The following CHCHD6 variants were observed in gnomAD, a reference collection of about 807,000 sequenced individuals.
The protein encoded by CHCHD6 is coiled-coil-helix-coiled-coil-helix domain containing 6, also known as MICOS complex subunit MIC25.
In CHCHD6, 28 loss-of-function variants were observed where a neutral mutation model predicts 32.3. That is an observed-to-expected ratio of 0.87 (90% CI 0.64 to 1.19). The LOEUF is 1.19. Ranked by LOEUF, CHCHD6 falls within the 50% of genes most tolerant of loss-of-function variation. The pLI, the probability that CHCHD6 is intolerant of heterozygous loss-of-function variation, is 0.00. For synonymous variants in CHCHD6, 122 were observed against 117.5 expected (o/e 1.04, Z -0.25); for missense variants, 333 against 307.0 (o/e 1.08, Z -0.63).
chr3:126,938,635 A>C (rs1449846641), intron 6 of CHCHD6, among the ~76,000 whole-genome samples: 3 of 152,228 alleles, frequency 2.0e-5, no homozygotes, highest in Non-Finnish European at 4.4e-5. Context: ...CATAACAGAG[A>C]AAGTCCCAGT....
chr3:126,850,831 GC>G (rs1941447846), intron 4 of CHCHD6, among the ~76,000 whole-genome samples: 1 of 152,148 alleles, frequency 6.6e-6, no homozygotes, highest in African/African-American at 2.4e-5. Flanking sequence ...GCGCAGATTA[GC>G]CGTGCTTGCA....
chr3:126,870,462 T>G lies in CHCHD6; in HGVS notation c.495+17732T>G, dbSNP rs184094859. Among the ~76,000 whole-genome samples the G allele has an allele frequency of 3.5e-4, 53 of 152,328 alleles. No individual in the cohort carries two copies. The East Asian group carries it at 8.3e-3, about 24-fold the overall frequency. On this transcript the variant is annotated intron_variant, in intron 5 of 7. Coordinates refer to ENST00000290913, the MANE Select transcript of CHCHD6 (RefSeq NM_032343.3). Reference sequence around the variant, plus strand: ...ACCGTTCTCCCAGTTCTTTCAGGTATTCCTTGCAGGAAGTGATCCAATACT... The same window carrying G: ...ACCGTTCTCCCAGTTCTTTCAGGTAGTCCTTGCAGGAAGTGATCCAATACT...
At chr3:126,752,908 T>A (rs964162559) in intron 4 of CHCHD6, among the ~76,000 whole-genome samples, 1 of 152,166 alleles carries the variant, frequency 6.6e-6, no homozygotes, top group Non-Finnish European at 1.5e-5. Flanking sequence ...GGGCATTGAC[T>A]CCTCAACCCC....
chr3:126,953,458 C>T (rs555228345), intron 6 of CHCHD6, among the ~76,000 whole-genome samples: 9 of 152,184 alleles, frequency 5.9e-5, no homozygotes, highest in Non-Finnish European at 5.9e-5. Context: ...ATATCCTCAG[C>T]TCTTCTCTGC....
At position 126,868,445 on chromosome 3, in the gene CHCHD6, T is replaced by A. The variant is rs1279026773; in HGVS notation, c.495+15715T>A. 5.3e-5 allele frequency among the ~76,000 whole-genome samples: 8 copies of A among 151,594 alleles called. 1 individual carries two copies. Among genetic ancestry groups the A allele is most frequent in the East Asian group, 1.9e-4 (1 of 5,142 alleles). On this transcript the variant is annotated intron_variant, in intron 5 of 7. Coordinates refer to ENST00000290913, the MANE Select transcript of CHCHD6 (RefSeq NM_032343.3). ...GCCATGGGGCAGCATTGCTTTTTTT[T>A]TTAAAAAAAAAAAATTGCTTATACT... is the stretch of plus-strand genomic sequence containing the variant.
chr3:126,823,570 G>A (rs568933728), intron 4 of CHCHD6, among the ~76,000 whole-genome samples: 1 of 152,026 alleles, frequency 6.6e-6, no homozygotes, highest in Admixed American at 6.6e-5. Flanking sequence ...TATTGACTTT[G>A]ATAAATTGAC....
intron 1 of CHCHD6, among the ~76,000 whole-genome samples, chr3:126,719,046 C>T (rs749922803): frequency 6.6e-6 from 1 of 152,188 alleles, no homozygotes; most frequent in Non-Finnish European, 1.5e-5. Context: ...CTTAGCCTCC[C>T]ACTCACCTGT....
chr3:126,787,457 G>A (rs1938275824), intron 4 of CHCHD6, among the ~76,000 whole-genome samples: 1 of 152,172 alleles, frequency 6.6e-6, no homozygotes, highest in African/African-American at 2.4e-5. Flanking sequence ...CTATCCATGA[G>A]CATGGAATGT....
At chr3:126,863,131 T>A (rs868182627) in intron 5 of CHCHD6, among the ~76,000 whole-genome samples, 1 of 37,070 alleles carries the variant, frequency 2.7e-5, no homozygotes. Context: ...CATCATCACC[T>A]CCTCCTCCTC....
At chr3:126,737,327 A>G (rs1180312871) in intron 4 of CHCHD6, among the ~76,000 whole-genome samples, 1 of 151,394 alleles carries the variant, frequency 6.6e-6, no homozygotes, top group Non-Finnish European at 1.5e-5. Flanking sequence ...TAAAAACCCA[A>G]GAAAGCAAAA....
At chr3:126,727,050 T>C (rs1935565305) in intron 1 of CHCHD6, 28 bp from the exon 2 acceptor site, 1 of 1,545,526 alleles carries the variant, frequency 6.5e-7, no homozygotes, top group Non-Finnish European at 8.9e-7. Context: ...ACATAACTTT[T>C]TCTTTTCCCT....
At chr3:126,733,984 C>A (rs1425207673) in intron 4 of CHCHD6, among the ~76,000 whole-genome samples, 1 of 152,056 alleles carries the variant, frequency 6.6e-6, no homozygotes, top group Non-Finnish European at 1.5e-5. Context: ...GCAGGCTGTC[C>A]CCATGGTTAA....
chr3:126,772,315 A>C (rs537228632), intron 4 of CHCHD6, among the ~76,000 whole-genome samples: 1 of 152,116 alleles, frequency 6.6e-6, no homozygotes, highest in East Asian at 1.9e-4. Flanking sequence ...GTTAGCCAGG[A>C]TGGTCTTGAT....
At chr3:126,799,546 G>A (rs982688245) in intron 4 of CHCHD6, among the ~76,000 whole-genome samples, 2 of 152,192 alleles carry the variant, frequency 1.3e-5, no homozygotes, top group Admixed American at 1.3e-4. Flanking sequence ...TGGTCTTTGT[G>A]TCAGGGTCAG....
rs191776343 is a variant in CHCHD6, at chr3:126,860,451, T to A, written c.495+7721T>A. Among the ~76,000 whole-genome samples the A allele has an allele frequency of 8.7e-3, 1,220 of 140,138 alleles. 8 individuals are homozygous for A. Among genetic ancestry groups the A allele is most frequent in the Middle Eastern group, 0.016 (4 of 252 alleles). The allele number at this position is 140,138 out of a possible 152,430, so 91.9% of individuals were successfully genotyped here. On this transcript the variant is annotated intron_variant, in intron 5 of 7. Coordinates refer to ENST00000290913, the MANE Select transcript of CHCHD6 (RefSeq NM_032343.3). ...CACACACCGGGGCCTGTTGTGGGGT[T>A]GGGGAAAGGGGGGAGGGATAGCATT...
chr3:126,874,882 G>A lies in CHCHD6; in HGVS notation c.495+22152G>A, dbSNP rs530102569. The stretch of plus-strand genomic sequence containing the variant: ...CCTAGCCCCTTCTGGCTGTCTGCCT[G>A]CAGCTCCCCTGGCCCCACCTCACAT... On this transcript the variant is annotated intron_variant, in intron 5 of 7. Transcript: ENST00000290913. Among the ~76,000 whole-genome samples the A allele has an allele frequency of 1.1e-4, 16 of 152,258 alleles. No homozygotes were observed. The South Asian group carries it at 3.1e-3, about 30-fold the overall frequency.
At chr3:126,888,658 C>T (rs1272514269) in intron 5 of CHCHD6, among the ~76,000 whole-genome samples, 6 of 152,114 alleles carry the variant, frequency 3.9e-5, no homozygotes, top group African/African-American at 9.7e-5. Context: ...TCACCAGGGA[C>T]GGGAGACAGC....
intron 5 of CHCHD6, among the ~76,000 whole-genome samples, chr3:126,899,974 G>C (rs1308092803): frequency 6.6e-6 from 1 of 152,218 alleles, no homozygotes; most frequent in African/African-American, 2.4e-5. Flanking sequence ...CTTACAACCA[G>C]CGTGTCCTGA....
At position 126,934,545 on chromosome 3, in the gene CHCHD6, T is replaced by G. The variant is rs1331890263; in HGVS notation, c.566+19795T>G. ...CACCCTCCCCTCTCTGCTTTTTTTT[T>G]TTTTTTTTTTTTTTTTTTTTTGAGA... On this transcript the variant is annotated intron_variant, in intron 6 of 7. Transcript: ENST00000290913. Among the ~76,000 whole-genome samples the G allele has an allele frequency of 1.5e-4, 19 of 123,148 alleles. No homozygotes were observed. The East Asian group carries it at 4.4e-3, about 29-fold the overall frequency. 80.8% of individuals were successfully genotyped at this position (123,148 alleles called of 152,430 possible). A position where few individuals can be genotyped will look rare whatever the true frequency, so the allele number is the denominator to read the frequency against.
Sources: gnomAD v4.1 joint callset for allele counts (sites outside exome capture counted in the v4.1 genomes callset) on GRCh38, gnomAD v4.1.1 for gene constraint, MANE v1.5 for transcripts, NCBI Gene and HGNC (gene_info 2026-07-23, HGNC 2026-07-21) for gene names.